AGAP1: variants seen among roughly 807,000 people sequenced by gnomAD.
AGAP1 encodes ArfGAP with GTPase domain, ankyrin repeat and PH domain 1.
In AGAP1, 29 loss-of-function variants were observed where a neutral mutation model predicts 105.3. The observed-to-expected ratio is 0.28, with a 90% CI of 0.21 to 0.38. The LOEUF (loss-of-function observed/expected upper bound fraction) is 0.38. Among genes scored for constraint, AGAP1 ranks in the 10% least tolerant of loss-of-function variants. AGAP1 has a pLI of 1.00. For missense variants in AGAP1, 998 were observed against 1,165.1 expected (o/e 0.86, Z 2.09); for synonymous variants, 509 against 485.9 (o/e 1.05, Z -0.63).
At chr2:235,863,653 G>A (rs917533395) in intron 9 of AGAP1, among the ~76,000 whole-genome samples, 1 of 152,202 alleles carries the variant, frequency 6.6e-6, no homozygotes, top group African/African-American at 2.4e-5. Context: ...GGTCATCGAA[G>A]GCCCCGGTGG....
At chr2:235,666,984 C>A (rs1182429131) in intron 1 of AGAP1, among the ~76,000 whole-genome samples, 1 of 152,148 alleles carries the variant, frequency 6.6e-6, no homozygotes, top group East Asian at 1.9e-4. Flanking sequence ...GCAGAGATCT[C>A]TATCTTTCCA....
At chr2:236,115,378 G>A (rs182063154) in intron 16 of AGAP1, among the ~76,000 whole-genome samples, 86 of 152,240 alleles carry the variant, frequency 5.6e-4, no homozygotes, top group Middle Eastern at 6.8e-3. Context: ...TTAGAAAGGC[G>A]AACGTCTACA....
chr2:235,509,452 C>T (rs542959061), intron 1 of AGAP1, among the ~76,000 whole-genome samples: 3 of 152,176 alleles, frequency 2.0e-5, no homozygotes, highest in East Asian at 1.9e-4. Context: ...AGGCTGGTCT[C>T]GAACTCCTGA....
At chr2:236,084,998 AG>A (rs1473976043) in intron 16 of AGAP1, among the ~76,000 whole-genome samples, 18 of 151,926 alleles carry the variant, frequency 1.2e-4, no homozygotes. Flanking sequence ...ATGGATCACA[AG>A]CTCAGGAGTT....
At chr2:235,693,442 C>A (rs144253371) in intron 1 of AGAP1, among the ~76,000 whole-genome samples, 295 of 152,320 alleles carry the variant, frequency 1.9e-3, no homozygotes, top group Non-Finnish European at 3.5e-3. Flanking sequence ...CATGGGGACT[C>A]AGCCTAGAGT....
intron 16 of AGAP1, among the ~76,000 whole-genome samples, chr2:236,111,675 C>A (rs897528590): frequency 6.6e-6 from 1 of 151,728 alleles, no homozygotes; most frequent in Admixed American, 6.6e-5. Context: ...ACCTGTATTC[C>A]AAGCTACTTG....
intron 11 of AGAP1, among the ~76,000 whole-genome samples, chr2:235,920,224 C>G (rs550364691): frequency 3.3e-5 from 5 of 152,244 alleles, no homozygotes; most frequent in African/African-American, 1.2e-4. Flanking sequence ...TAAATACTTA[C>G]ACTTATTTCT....
intron 8 of AGAP1, among the ~76,000 whole-genome samples, chr2:235,802,905 G>GGTT (rs1957589778): frequency 1.3e-5 from 2 of 151,186 alleles, no homozygotes; most frequent in East Asian, 2.0e-4. Flanking sequence ...TGATGGTTGT[G>GGTT]ATGGTGTGAT....
chr2:236,042,122 C>G lies in AGAP1; in HGVS notation c.1891+1281C>G, dbSNP rs2057566837. ...TTTTAGAGCAGGAAGGAGATGGACC[C>G]TGAGCTCCACTTGGGGAGATGGATC... On this transcript the variant is annotated intron_variant, in intron 15 of 17. Transcript: ENST00000304032. The surrounding 1 kb of genome is among the most constrained non-coding windows in gnomAD (Gnocchi z 5.6). Among the ~76,000 whole-genome samples the G allele has an allele frequency of 6.6e-6, 1 of 152,162 alleles. No homozygotes were observed. Among genetic ancestry groups the G allele is most frequent in the South Asian group, 2.1e-4 (1 of 4,826 alleles).
chr2:235,785,220 A>G (rs1213014263), intron 6 of AGAP1, among the ~76,000 whole-genome samples: 2 of 152,190 alleles, frequency 1.3e-5, no homozygotes, highest in Non-Finnish European at 1.5e-5. Context: ...AGATACATCC[A>G]TTTTTCTTAA....
intron 1 of AGAP1, among the ~76,000 whole-genome samples, chr2:235,703,820 C>G (rs1264258871): frequency 6.6e-6 from 1 of 152,132 alleles, no homozygotes; most frequent in Non-Finnish European, 1.5e-5. Flanking sequence ...TAGTCTGGAA[C>G]TCCTGACCTC....
intron 11 of AGAP1, among the ~76,000 whole-genome samples, chr2:235,920,066 C>CT (rs2052103463): frequency 6.6e-6 from 1 of 152,176 alleles, no homozygotes; most frequent in South Asian, 2.1e-4. Flanking sequence ...GACGAACCGT[C>CT]TAATTCTAGG....
chr2:235,825,323 A>G (rs1421065976), intron 9 of AGAP1, among the ~76,000 whole-genome samples: 2 of 152,248 alleles, frequency 1.3e-5, no homozygotes, highest in African/African-American at 4.8e-5. Context: ...CGACCCTTTG[A>G]ACAGCTGCCA....
Position 235,882,156 on chromosome 2 carries a change from A to C in AGAP1, c.1051-1189A>C, listed in dbSNP as rs1184381290. ...TTTATTTTCATTATTCATAGAAATA[A>C]TTTTCTATAATGTCCTGGGGCAAAC... On this transcript the variant is annotated intron_variant, in intron 9 of 17. Coordinates refer to ENST00000304032, the MANE Select transcript of AGAP1 (RefSeq NM_001037131.3). This position sits in a 1 kb window ranked among gnomAD's most constrained non-coding sequence, Gnocchi z 4.6. Among the ~76,000 whole-genome samples, 1 of 151,834 alleles carries C rather than the reference A, an allele frequency of 6.6e-6. No individual in the cohort carries two copies. The highest frequency in any genetic ancestry group is 1.9e-4 in the East Asian group (1 of 5,162).
At chr2:235,922,799 A>T (rs1320836127) in intron 11 of AGAP1, among the ~76,000 whole-genome samples, 1 of 152,250 alleles carries the variant, frequency 6.6e-6, no homozygotes, top group East Asian at 1.9e-4. Flanking sequence ...ATATTCATTC[A>T]GATATAAATG....
rs577172173 is a variant in AGAP1, at chr2:235,751,862, G to T, written c.673+1374G>T. 2.7e-4 allele frequency among the ~76,000 whole-genome samples: 41 copies of T among 152,280 alleles called. No individual in the cohort carries two copies. The highest frequency in any genetic ancestry group is 9.4e-4 in the African/African-American group (39 of 41,574). On this transcript the variant is annotated intron_variant, in intron 6 of 17. Coordinates refer to ENST00000304032, the MANE Select transcript of AGAP1 (RefSeq NM_001037131.3). The surrounding 1 kb of genome is among the most constrained non-coding windows in gnomAD (Gnocchi z 5.3). ...GTCCCCTGAGGATCAGCACAAAGTC[G>T]CTGGGGTCCCACAGCCCCTTCTTCC...
intron 9 of AGAP1, among the ~76,000 whole-genome samples, chr2:235,822,444 G>T (rs1311678468): frequency 1.3e-5 from 2 of 151,640 alleles, no homozygotes; most frequent in Admixed American, 6.6e-5. Context: ...AAACTCAAGG[G>T]TGAGGAAGAG....
chr2:235,803,304 G>A lies in AGAP1; in HGVS notation c.957+3782G>A, dbSNP rs191915362. On this transcript the variant is annotated intron_variant, in intron 8 of 17. Coordinates refer to ENST00000304032, the MANE Select transcript of AGAP1 (RefSeq NM_001037131.3). ...GTGTCATCCAAGGAACAAAAAGAAGGCAAATTAATTGTGAAATCATAGCAA... is the reference window on the plus strand; with the variant it reads ...GTGTCATCCAAGGAACAAAAAGAAGACAAATTAATTGTGAAATCATAGCAA... 2.6e-3 allele frequency among the ~76,000 whole-genome samples: 403 copies of A among 152,258 alleles called. 2 individuals carry two copies. The highest frequency in any genetic ancestry group is 6.8e-3 in the South Asian group (33 of 4,822).
At chr2:235,785,721 T>C (rs1454261526) in intron 6 of AGAP1, among the ~76,000 whole-genome samples, 1 of 152,268 alleles carries the variant, frequency 6.6e-6, no homozygotes, top group Non-Finnish European at 1.5e-5. Flanking sequence ...TATCATGTTG[T>C]TGGTGGTACC....
Sources: allele counts gnomAD v4.1 joint callset (sites outside exome capture counted in the v4.1 genomes callset), GRCh38; gene constraint gnomAD v4.1.1; non-coding constraint Gnocchi (gnomAD v3.1); transcripts MANE v1.5; gene names NCBI Gene and HGNC (gene_info 2026-07-23, HGNC 2026-07-21).